CNTN5: variants seen among roughly 807,000 people sequenced by gnomAD.
CNTN5 encodes the protein contactin 5, also known as contactin-5.
A neutral mutation model predicts 129.1 loss-of-function variants in CNTN5; 77 were observed. That is an observed-to-expected ratio of 0.60 (90% CI 0.50 to 0.72). The LOEUF is 0.72. Ranked by LOEUF, CNTN5 falls within the 30% of genes least tolerant of loss-of-function variation. The pLI is 0.00. For missense variants in CNTN5, 1,478 were observed against 1,328.8 expected, an observed-to-expected ratio of 1.11 and a Z score of -1.75; for synonymous variants, 509 against 465.6, an observed-to-expected ratio of 1.09 and a Z score of -1.20.
chr11:99,059,264 T>C (rs1210752395), intron 1 of CNTN5, among the ~76,000 whole-genome samples: 1 of 152,106 alleles, frequency 6.6e-6, no homozygotes, highest in Non-Finnish European at 1.5e-5. Flanking sequence ...ATTAATTTTT[T>C]CTTAGACTTT....
chr11:99,888,198 A>G (rs1219237498), intron 6 of CNTN5, among the ~76,000 whole-genome samples: 2 of 152,132 alleles, frequency 1.3e-5, no homozygotes, highest in East Asian at 1.9e-4. Flanking sequence ...CTTATCTGTC[A>G]TATAAGAGGT....
chr11:99,650,442 A>G (rs1050528545), intron 3 of CNTN5, among the ~76,000 whole-genome samples: 5 of 151,966 alleles, frequency 3.3e-5, no homozygotes, highest in African/African-American at 2.4e-5. Flanking sequence ...CATCTCTGCT[A>G]CATGAGTAAG....
intron 3 of CNTN5, among the ~76,000 whole-genome samples, chr11:99,598,405 C>G (rs966336614): frequency 5.9e-5 from 8 of 135,900 alleles, no homozygotes; most frequent in Non-Finnish European, 7.8e-5. Flanking sequence ...TCCTTCCCTC[C>G]CTCTCTCCCT....
At chr11:99,631,187 T>C (rs1480563992) in intron 3 of CNTN5, among the ~76,000 whole-genome samples, 1 of 152,112 alleles carries the variant, frequency 6.6e-6, no homozygotes, top group African/African-American at 2.4e-5. Flanking sequence ...GAGTATAAGA[T>C]TTTGAGATTT....
chr11:99,234,856 C>T (rs1861186271), intron 1 of CNTN5, among the ~76,000 whole-genome samples: 1 of 152,114 alleles, frequency 6.6e-6, no homozygotes. Context: ...TAAGCATCAT[C>T]ATCACCAATA....
intron 3 of CNTN5, among the ~76,000 whole-genome samples, chr11:99,620,155 T>C (rs1950894857): frequency 6.6e-6 from 1 of 152,122 alleles, no homozygotes; most frequent in South Asian, 2.1e-4. Flanking sequence ...GCAGGATACA[T>C]ATTGGTTAAG....
At chr11:99,643,359 A>C (rs1951838561) in intron 3 of CNTN5, among the ~76,000 whole-genome samples, 1 of 152,156 alleles carries the variant, frequency 6.6e-6, no homozygotes, top group Admixed American at 6.5e-5. Flanking sequence ...CCTTGTGATT[A>C]AGAGAATGGA....
At chr11:99,768,549 A>T (rs1417975193) in intron 3 of CNTN5, among the ~76,000 whole-genome samples, 7 of 152,088 alleles carry the variant, frequency 4.6e-5, no homozygotes. Flanking sequence ...TTCTCCTTTG[A>T]TTTAACTTTC....
At chr11:99,393,204 A>C (rs911235208) in intron 2 of CNTN5, among the ~76,000 whole-genome samples, 1 of 151,990 alleles carries the variant, frequency 6.6e-6, no homozygotes, top group East Asian at 1.9e-4. Flanking sequence ...TAGTTAAAGA[A>C]ATAGAAACGG....
Position 99,627,550 on chromosome 11 carries a change from A to G in CNTN5, c.55+71281A>G, listed in dbSNP as rs558010380. ...AAATAACACTTCAAGGTTATCATGT[A>G]GACTATAACCCCAGTGGGGAATTTA... On this transcript the variant is annotated intron_variant, in intron 3 of 24. Transcript: ENST00000524871. Among the ~76,000 whole-genome samples the G allele has an allele frequency of 1.1e-4, 17 of 152,282 alleles. No homozygotes were observed. In the South Asian group the frequency reaches 3.5e-3, roughly 32 times the overall value.
At chr11:99,412,118 C>T (rs1942423547) in intron 2 of CNTN5, among the ~76,000 whole-genome samples, 1 of 152,022 alleles carries the variant, frequency 6.6e-6, no homozygotes, top group Admixed American at 6.6e-5. Flanking sequence ...AGATATGTAA[C>T]ATTTCCTTGT....
chr11:100,071,801 G>A lies in CNTN5; in HGVS notation c.1396G>A (p.Ala466Thr), dbSNP rs1591181154. The change falls in exon 12 of 25, where the codon GCC becomes ACC. Residue 466 changes from alanine (A) to threonine (T), a missense_variant. By Grantham distance (58) the Ala-to-Thr change is moderately conservative. Coordinates refer to ENST00000524871, the MANE Select transcript of CNTN5 (RefSeq NM_014361.4). ...YQCLAENKYG[A>T]IYASAELKIL... is the part of the protein sequence containing the mutation. Reference sequence around the variant, plus strand: ...GTGTTTGGCTGAAAATAAGTATGGAGCCATTTACGCTAGTGCTGAGCTGAA... The same window carrying A: ...GTGTTTGGCTGAAAATAAGTATGGAACCATTTACGCTAGTGCTGAGCTGAA... The A allele has an allele frequency of 6.2e-7, 1 of 1,608,086 alleles. No homozygotes were observed. Among genetic ancestry groups the A allele is most frequent in the Non-Finnish European group, 8.5e-7 (1 of 1,177,386 alleles).
intron 9 of CNTN5, among the ~76,000 whole-genome samples, chr11:100,009,853 A>C (rs1313734954): frequency 6.6e-6 from 1 of 152,166 alleles, no homozygotes; most frequent in Non-Finnish European, 1.5e-5. Context: ...GCTGAATATT[A>C]AGAGTAGAAG....
At chr11:99,576,275 A>G (rs190304007) in intron 3 of CNTN5, among the ~76,000 whole-genome samples, 1 of 152,188 alleles carries the variant, frequency 6.6e-6, no homozygotes, top group African/African-American at 2.4e-5. Context: ...CTTTGTTTTA[A>G]TACCTTAAGG....
intron 16 of CNTN5, among the ~76,000 whole-genome samples, chr11:100,251,599 A>G (rs613824): frequency 0.76 from 115,857 of 152,002 alleles, 44,314 homozygotes; most frequent in Middle Eastern, 0.83. Flanking sequence ...CCAGCTTCTA[A>G]TGTCCTCTGT....
intron 13 of CNTN5, among the ~76,000 whole-genome samples, chr11:100,135,644 A>G (rs1946498751): frequency 6.6e-6 from 1 of 152,168 alleles, no homozygotes; most frequent in Non-Finnish European, 1.5e-5. Context: ...GCCCAGCACA[A>G]ACTAATATGA....
intron 23 of CNTN5, among the ~76,000 whole-genome samples, chr11:100,344,136 A>C (rs1052072264): frequency 2.0e-5 from 3 of 152,094 alleles, no homozygotes; most frequent in Non-Finnish European, 4.4e-5. Context: ...GCAAGCAGAA[A>C]GGATCACTGG....
chr11:99,189,033 C>T (rs771653398), intron 1 of CNTN5, among the ~76,000 whole-genome samples: 1 of 151,696 alleles, frequency 6.6e-6, no homozygotes, highest in African/African-American at 2.4e-5. Context: ...CTACTCTCTC[C>T]TTCTGTGATT....
chr11:99,691,267 C>A lies in CNTN5; in HGVS notation c.56-128277C>A, dbSNP rs183622664. Among the ~76,000 whole-genome samples the A allele has an allele frequency of 4.0e-5, 6 of 150,102 alleles. No individual in the cohort carries two copies. In the East Asian group the frequency reaches 9.8e-4, roughly 24 times the overall value. On this transcript the variant is annotated intron_variant, in intron 3 of 24. Coordinates refer to ENST00000524871, the MANE Select transcript of CNTN5 (RefSeq NM_014361.4). ...CTGTCTTCTTTAACTCAGCTCTGAT[C>A]TTTATTTCTTGTCTTCTGCTAGCTT...
Sources: allele counts gnomAD v4.1 joint callset (sites outside exome capture counted in the v4.1 genomes callset), GRCh38; gene constraint gnomAD v4.1.1; transcripts MANE v1.5; gene names NCBI Gene and HGNC (gene_info 2026-07-23, HGNC 2026-07-21).